Variants in GSAP observed in about 807,000 individuals in gnomAD.
GSAP encodes the protein gamma-secretase activating protein, also known as gamma-secretase-activating protein.
GSAP carries 118 observed loss-of-function variants against 131.7 expected under a neutral mutation model. The ratio of observed to expected loss-of-function variants is 0.90; its 90% CI spans 0.77 to 1.04. The LOEUF is 1.04. Among genes scored for constraint, GSAP ranks in the 50% least tolerant of loss-of-function variants. GSAP has a pLI of 0.00. For synonymous variants in GSAP, 381 were observed against 363.4 expected (o/e 1.05, Z -0.55); for missense variants, 1,019 against 1,013.2 (o/e 1.01, Z -0.08).
intron 16 of GSAP, among the ~76,000 whole-genome samples, chr7:77,354,051 A>G (rs1020957227): frequency 2.0e-5 from 3 of 152,180 alleles, no homozygotes; most frequent in African/African-American, 7.2e-5. Flanking sequence ...GAATACGGAC[A>G]CACCAGTTAA....
At chr7:77,405,964 G>T in intron 2 of GSAP, 65 bp downstream of exon 2, 2 of 600,986 alleles carry the variant, frequency 3.3e-6, no homozygotes, top group South Asian at 2.2e-5. Flanking sequence ...TGTAAAAAGA[G>T]AATATAAATG....
chr7:77,373,947 T>A, intron 12 of GSAP, 123 bp downstream of exon 12: 1 of 674,468 alleles, frequency 1.5e-6, no homozygotes, highest in South Asian at 1.7e-5. Flanking sequence ...ACAATCCATA[T>A]GATCACCGAC....
chr7:77,355,149 C>T lies in GSAP; in HGVS notation c.1338+64G>A, dbSNP rs73703337. 3.1e-3 allele frequency: 3,332 copies of T among 1,077,738 alleles called. 65 individuals carry two copies. In the African/African-American group the frequency reaches 0.046, roughly 15 times the overall value. The allele number at this position is 1,077,738 out of a possible 1,614,324, so 66.8% of individuals were successfully genotyped here. Reference sequence around the variant, plus strand: ...AAAAATAACTCCTGACCATTTTCAACCACAAAATAAATATGTTCAGTGTCG... The same window carrying T: ...AAAAATAACTCCTGACCATTTTCAATCACAAAATAAATATGTTCAGTGTCG... On this transcript the variant is annotated intron_variant, in intron 16 of 30. Coordinates refer to ENST00000257626, the MANE Select transcript of GSAP (RefSeq NM_017439.4).
At chr7:77,332,385 T>C (rs1217020051) in intron 19 of GSAP, among the ~76,000 whole-genome samples, 1 of 152,238 alleles carries the variant, frequency 6.6e-6, no homozygotes, top group East Asian at 1.9e-4. Flanking sequence ...TGGGTTGCAA[T>C]GTGGTGTTTC....
At position 77,390,989 on chromosome 7, in the gene GSAP, C is replaced by T. The variant is rs1476301402; in HGVS notation, c.368-3541G>A. Among the ~76,000 whole-genome samples the T allele has an allele frequency of 7.6e-5, 9 of 119,178 alleles. No homozygotes were observed. The East Asian group carries it at 1.4e-3, about 19-fold the overall frequency. The allele number at this position is 119,178 out of a possible 152,430, so 78.2% of individuals were successfully genotyped here. A position where few individuals can be genotyped will look rare whatever the true frequency, so the allele number is the denominator to read the frequency against. On this transcript the variant is annotated intron_variant, in intron 5 of 30. Transcript: ENST00000257626. Reference sequence around the variant, plus strand: ...AAAAAAAAAAAAAAAAAAAATTAGCCGGGTGTGGTGGCACTCATCTGTAGC... The same window carrying T: ...AAAAAAAAAAAAAAAAAAAATTAGCTGGGTGTGGTGGCACTCATCTGTAGC...
At chr7:77,353,414 T>G (rs1417002749) in intron 17 of GSAP, among the ~76,000 whole-genome samples, 158 bp downstream of exon 17, 3 of 151,960 alleles carry the variant, frequency 2.0e-5, no homozygotes, top group Non-Finnish European at 4.4e-5. Flanking sequence ...AGAATGAAAT[T>G]TAATTAGCTG....
chr7:77,374,664 T>C, intron 11 of GSAP, among the ~76,000 whole-genome samples: 1 of 151,754 alleles, frequency 6.6e-6, no homozygotes, highest in Non-Finnish European at 1.5e-5. Flanking sequence ...AAAAAACCAA[T>C]TAATTCAGCT....
intron 12 of GSAP, among the ~76,000 whole-genome samples, chr7:77,371,727 G>A (rs757799769): frequency 6.6e-5 from 10 of 152,124 alleles, no homozygotes; most frequent in East Asian, 5.8e-4. Flanking sequence ...GTGAGCCACC[G>A]TACCCGGCCC....
intron 19 of GSAP, among the ~76,000 whole-genome samples, chr7:77,340,862 C>T (rs1386268944): frequency 6.6e-6 from 1 of 152,098 alleles, no homozygotes; most frequent in Non-Finnish European, 1.5e-5. Context: ...TCACTACCCC[C>T]ACCCCTTCTC....
intron 7 of GSAP, 132 bp downstream of exon 7, chr7:77,382,442 T>A (rs1239208282): frequency 9.1e-6 from 5 of 548,264 alleles, no homozygotes; most frequent in Non-Finnish European, 1.7e-5. Flanking sequence ...ATTCCAGGTC[T>A]CATATGGACA....
intron 3 of GSAP, among the ~76,000 whole-genome samples, chr7:77,404,303 A>G (rs1020481715): frequency 4.6e-5 from 7 of 152,200 alleles, no homozygotes; most frequent in African/African-American, 1.7e-4. Context: ...AAACTTTCCT[A>G]TTGCCAATGA....
chr7:77,342,609 C>T (rs201994273), intron 19 of GSAP, among the ~76,000 whole-genome samples: 2 of 151,612 alleles, frequency 1.3e-5, no homozygotes, highest in African/African-American at 4.8e-5. Context: ...TCTCTACTCC[C>T]CCCTTGGCGA....
intron 25 of GSAP, 49 bp downstream of exon 25, chr7:77,321,284 T>C (rs774400234): frequency 8.6e-7 from 1 of 1,162,808 alleles, no homozygotes; most frequent in Non-Finnish European, 1.3e-6. Context: ...ACAACAGAGT[T>C]GTTTCCACTC....
intron 12 of GSAP, among the ~76,000 whole-genome samples, chr7:77,369,060 A>G (rs1443905055): frequency 6.6e-6 from 1 of 152,242 alleles, no homozygotes; most frequent in Non-Finnish European, 1.5e-5. Flanking sequence ...GCAATTATTA[A>G]AAGGCTCTAT....
chr7:77,323,587 C>G (rs1000767956), intron 24 of GSAP, 60 bp downstream of exon 24: 2 of 786,542 alleles, frequency 2.5e-6, no homozygotes, highest in Admixed American at 2.6e-5. Context: ...ACCACATTTT[C>G]AGAACTATAT....
chr7:77,377,982 C>T (rs1051124817), intron 8 of GSAP, among the ~76,000 whole-genome samples: 5 of 152,246 alleles, frequency 3.3e-5, no homozygotes, highest in Non-Finnish European at 7.3e-5. Context: ...TTGTGTTCTA[C>T]ACAAAGCCTT....
At chr7:77,346,443 T>C (rs943431226) in intron 19 of GSAP, among the ~76,000 whole-genome samples, 1 of 148,924 alleles carries the variant, frequency 6.7e-6, no homozygotes, top group African/African-American at 2.5e-5. Flanking sequence ...CTCATACCTG[T>C]AATACCAACA....
Position 77,313,454 on chromosome 7 carries a change from C to G in GSAP, c.2271+34G>C, listed in dbSNP as rs753762485. The G allele has an allele frequency of 2.5e-6, 3 of 1,192,816 alleles. No individual in the cohort carries two copies. The African/African-American group carries it at 4.6e-5, about 18-fold the overall frequency. The allele number at this position is 1,192,816 out of a possible 1,614,324, so 73.9% of individuals were successfully genotyped here. A position where few individuals can be genotyped will look rare whatever the true frequency, so the allele number is the denominator to read the frequency against. Reference sequence around the variant, plus strand: ...AAATTGAAGGAGGGTAATGCCAAAGCTTAGGGAGAAAATAAAATGTAACTC... The same window carrying G: ...AAATTGAAGGAGGGTAATGCCAAAGGTTAGGGAGAAAATAAAATGTAACTC... On this transcript the variant is annotated intron_variant, in intron 28 of 30. Transcript: ENST00000257626.
At chr7:77,312,462 T>C (rs983483183) in intron 28 of GSAP, among the ~76,000 whole-genome samples, 7 of 152,194 alleles carry the variant, frequency 4.6e-5, no homozygotes, top group Non-Finnish European at 8.8e-5. Context: ...ATGGAGTTTA[T>C]CTGCTGCTCT....
Sources: gnomAD v4.1 joint callset for allele counts (sites outside exome capture counted in the v4.1 genomes callset) on GRCh38, gnomAD v4.1.1 for gene constraint, MANE v1.5 for transcripts, NCBI Gene and HGNC (gene_info 2026-07-23, HGNC 2026-07-21) for gene names.